Variants in ABCA8 observed in about 807,000 individuals in gnomAD.
ABCA8 encodes the protein ATP binding cassette subfamily A member 8.
Under a neutral mutation model 192.3 loss-of-function variants are expected in ABCA8, and 177 were observed. The observed-to-expected ratio is 0.92, with a 90% confidence interval of 0.81 to 1.04. ABCA8 has a LOEUF of 1.04. Ranked by LOEUF, ABCA8 falls within the 50% of genes least tolerant of loss-of-function variation. The pLI is 0.00. For synonymous variants in ABCA8, 642 were observed against 690.2 expected (o/e 0.93, Z 1.09); for missense variants, 1,915 against 1,904.8 (o/e 1.01, Z -0.10).
intron 17 of ABCA8, among the ~76,000 whole-genome samples, chr17:68,916,755 G>A (rs555545257): frequency 2.0e-5 from 3 of 150,314 alleles, no homozygotes; most frequent in Non-Finnish European, 4.4e-5. Context: ...AGATGATGAA[G>A]GTGTAAAATA....
In ABCA8 at chr17:68,918,431, G is replaced by C; in HGVS notation, c.1904C>G (p.Pro635Arg). 1.9e-6 allele frequency: 3 copies of C among 1,573,458 alleles called. No individual in the cohort carries two copies. The highest frequency in any genetic ancestry group is 2.6e-6 in the Non-Finnish European group (3 of 1,163,878). ...LTFGIAILGD[P>R]QIFLLDEPTA... ...TGCAAATTCAATGTGACTCACCTGA[G>C]GATCTCCTAAAATGGCAATCCCAAA... Residue 635 changes from proline to arginine, a missense_variant, in exon 15 of 40, where the codon CCT (proline) becomes CGT (arginine). Transcript: ENST00000586539.
chr17:68,900,793 A>G (rs748462655), intron 21 of ABCA8, among the ~76,000 whole-genome samples: 3 of 152,138 alleles, frequency 2.0e-5, no homozygotes, highest in Non-Finnish European at 4.4e-5. Flanking sequence ...TGAAAATAAT[A>G]TGGTATAAAA....
At chr17:68,913,070 T>C (rs1252509387) in intron 17 of ABCA8, among the ~76,000 whole-genome samples, 1 of 151,774 alleles carries the variant, frequency 6.6e-6, no homozygotes, top group Non-Finnish European at 1.5e-5. Context: ...CACAATAGAA[T>C]AAAACTAGAA....
At chr17:68,945,254 T>G (rs777478592) in intron 2 of ABCA8, among the ~76,000 whole-genome samples, 11 of 152,158 alleles carry the variant, frequency 7.2e-5, no homozygotes, top group Non-Finnish European at 1.3e-4. Flanking sequence ...TGTTGTCTTG[T>G]TTTTCATAGA....
chr17:68,943,373 T>C (rs2068289660), intron 2 of ABCA8, among the ~76,000 whole-genome samples: 1 of 152,212 alleles, frequency 6.6e-6, no homozygotes, highest in Admixed American at 6.5e-5. Flanking sequence ...TGTATAGATA[T>C]ACTTTTTTCT....
intron 21 of ABCA8, among the ~76,000 whole-genome samples, chr17:68,901,985 T>C (rs1255811175): frequency 2.0e-5 from 3 of 152,128 alleles, no homozygotes; most frequent in African/African-American, 7.2e-5. Flanking sequence ...AAACAAAAAC[T>C]TGTACATGAA....
chr17:68,943,569 T>C (rs1254124235), intron 2 of ABCA8, among the ~76,000 whole-genome samples: 1 of 152,232 alleles, frequency 6.6e-6, no homozygotes, highest in Non-Finnish European at 1.5e-5. Context: ...AGATAATCTA[T>C]AAAATTATAA....
intron 17 of ABCA8, among the ~76,000 whole-genome samples, chr17:68,915,709 C>T (rs976178609): frequency 3.3e-5 from 5 of 152,184 alleles, no homozygotes; most frequent in African/African-American, 1.2e-4. Context: ...CTATAGACAA[C>T]GTTTTCAAGT....
chr17:68,922,342 A>C, intron 11 of ABCA8, 42 bp from the exon 12 acceptor site: 3 of 1,284,026 alleles, frequency 2.3e-6, no homozygotes, highest in Non-Finnish European at 3.2e-6. Flanking sequence ...AATTTTCTTC[A>C]GTTTGTAATT....
intron 39 of ABCA8, 44 bp downstream of exon 39, chr17:68,868,257 T>G: frequency 6.8e-6 from 11 of 1,607,702 alleles, no homozygotes; most frequent in Non-Finnish European, 9.4e-6. Flanking sequence ...GAATGTTTTA[T>G]ACACATATAC....
chr17:68,935,568 AT>A (rs1309782529), intron 5 of ABCA8, among the ~76,000 whole-genome samples: 2 of 142,130 alleles, frequency 1.4e-5, no homozygotes, highest in Non-Finnish European at 3.1e-5. Flanking sequence ...ATATATATAT[AT>A]TATCTTCTTT....
Position 68,882,602 on chromosome 17 carries a change from A to G in ABCA8, c.3825T>C (p.Asp1275=), listed in dbSNP as rs1430487711. ...AAACCTTTGTGTTATGTTTTACCTCATCAAAATTAGTAGAATTCAAGGCAT... is the reference window on the plus strand; with the variant it reads ...AAACCTTTGTGTTATGTTTTACCTCGTCAAAATTAGTAGAATTCAAGGCAT... ...TANALNSTNF[D]EKPVIIASCL... is the part of the protein sequence containing the mutation. Residue 1275 remains aspartate (D), a synonymous_variant, in exon 30 of 40, where the codon GAT becomes GAC. Transcript: ENST00000586539. The G allele has an allele frequency of 6.2e-7, 1 of 1,611,322 alleles. No homozygotes were observed. The highest frequency in any genetic ancestry group is 8.5e-7 in the Non-Finnish European group (1 of 1,179,020).
intron 12 of ABCA8, 94 bp from the exon 13 acceptor site, chr17:68,921,586 T>C: frequency 1.5e-6 from 1 of 648,702 alleles, no homozygotes; most frequent in Non-Finnish European, 2.6e-6. Flanking sequence ...GCCAATGAAT[T>C]GTTATTAATT....
intron 5 of ABCA8, among the ~76,000 whole-genome samples, chr17:68,936,473 T>G (rs8082257): frequency 0.62 from 93,630 of 151,904 alleles, 30,103 homozygotes; most frequent in African/African-American, 0.8. Context: ...CTTTGTCAAA[T>G]ATCATTTGAT....
intron 21 of ABCA8, among the ~76,000 whole-genome samples, chr17:68,899,683 C>T (rs1459882691): frequency 6.6e-6 from 1 of 152,014 alleles, no homozygotes; most frequent in Admixed American, 6.5e-5. Flanking sequence ...GGAACATTCT[C>T]CAAGATGAGC....
At chr17:68,871,213 C>T (rs2066041266) in intron 37 of ABCA8, among the ~76,000 whole-genome samples, 1 of 152,044 alleles carries the variant, frequency 6.6e-6, no homozygotes, top group Non-Finnish European at 1.5e-5. Context: ...GAGGGGCACT[C>T]AAGAGAGAGC....
intron 19 of ABCA8, among the ~76,000 whole-genome samples, chr17:68,904,291 AAAT>A (rs71144635): frequency 0.045 from 6,544 of 143,966 alleles, 232 homozygotes; most frequent in Non-Finnish European, 0.066. Context: ...CAAAAAAAAG[AAAT>A]AATAATAATA....
chr17:68,878,587 A>T (rs1351989308), intron 32 of ABCA8: 1 of 152,228 alleles, frequency 6.6e-6, no homozygotes, highest in Non-Finnish European at 1.5e-5. Flanking sequence ...GTGACACCCA[A>T]ATGGCTGGCT....
intron 18 of ABCA8, among the ~76,000 whole-genome samples, chr17:68,907,182 C>T (rs1199548323): frequency 3.3e-5 from 5 of 151,960 alleles, no homozygotes; most frequent in African/African-American, 1.2e-4. Flanking sequence ...CTAAGGAATG[C>T]TTGTGTTGTC....
Sources: allele counts gnomAD v4.1 joint callset (sites outside exome capture counted in the v4.1 genomes callset), GRCh38; gene constraint gnomAD v4.1.1; transcripts MANE v1.5; gene names NCBI Gene and HGNC (gene_info 2026-07-23, HGNC 2026-07-21).